SCHIP1: variants seen among roughly 807,000 people sequenced by gnomAD.
SCHIP1 encodes schwannomin-interacting protein 1.
SCHIP1 carries 8 observed loss-of-function variants against 29.7 expected under a neutral mutation model. The observed-to-expected ratio is 0.27, with a 90% CI of 0.16 to 0.49. The LOEUF is 0.49. SCHIP1 is among the 20% of genes least tolerant of loss of function. The pLI is 0.99. For synonymous variants in SCHIP1, 76 were observed against 94.9 expected, an observed-to-expected ratio of 0.80 and a Z score of 1.16; for missense variants, 193 against 294.6, an observed-to-expected ratio of 0.66 and a Z score of 2.52.
the SCHIP1 span, among the ~76,000 whole-genome samples, chr3:159,613,207 C>A: frequency 6.6e-6 from 1 of 152,126 alleles, no homozygotes; most frequent in Non-Finnish European, 1.5e-5. Context: ...TGAAATTCTG[C>A]AAGATAGAAT....
At chr3:159,402,822 C>T in the SCHIP1 span, among the ~76,000 whole-genome samples, 1 of 151,922 alleles carries the variant, frequency 6.6e-6, no homozygotes, top group Admixed American at 6.6e-5. Context: ...AGGAGATATA[C>T]CTAATGCTAA....
chr3:159,764,510 G>C, the SCHIP1 span: 5 of 1,587,030 alleles, frequency 3.2e-6, no homozygotes, highest in South Asian at 3.4e-5. The surrounding 1 kb of genome is among the most constrained non-coding windows in gnomAD (Gnocchi z 6.1). Flanking sequence ...AGCCGCGCCA[G>C]TTCACAGTCC....
the SCHIP1 span, among the ~76,000 whole-genome samples, chr3:159,721,287 T>A: frequency 1.3e-5 from 2 of 152,188 alleles, no homozygotes; most frequent in African/African-American, 4.8e-5. Flanking sequence ...CAAACAGGAT[T>A]TAGGGCCCAC....
the SCHIP1 span, among the ~76,000 whole-genome samples, chr3:159,319,260 G>C: frequency 6.6e-6 from 1 of 152,036 alleles, no homozygotes; most frequent in African/African-American, 2.4e-5. Flanking sequence ...TGTGAGCTTT[G>C]GTGATATGAG....
At chr3:159,564,331 C>T in the SCHIP1 span, among the ~76,000 whole-genome samples, 1 of 152,034 alleles carries the variant, frequency 6.6e-6, no homozygotes, top group Non-Finnish European at 1.5e-5. Flanking sequence ...TCCCCATGCT[C>T]CATTTTGGGT....
the SCHIP1 span, chr3:159,764,872 A>C: frequency 6.3e-7 from 1 of 1,582,602 alleles, no homozygotes; most frequent in Non-Finnish European, 8.6e-7. This position sits in a 1 kb window ranked among gnomAD's most constrained non-coding sequence, Gnocchi z 6.1. Flanking sequence ...GCACAATGGC[A>C]ACGTGGTGGT....
chr3:159,486,369 G>T, the SCHIP1 span, among the ~76,000 whole-genome samples: 1 of 152,098 alleles, frequency 6.6e-6, no homozygotes, highest in African/African-American at 2.4e-5. Flanking sequence ...AAGGTTTTTA[G>T]ATTCCAATTG....
At chr3:159,389,537 C>G in the SCHIP1 span, among the ~76,000 whole-genome samples, 1 of 151,944 alleles carries the variant, frequency 6.6e-6, no homozygotes, top group African/African-American at 2.4e-5. Context: ...ATAGAAAATT[C>G]TCCTGCATAA....
chr3:159,417,249 C>T, the SCHIP1 span, among the ~76,000 whole-genome samples: 188 of 152,266 alleles, frequency 1.2e-3, 2 homozygotes, highest in South Asian at 0.03. Context: ...AAGTCATTAG[C>T]ACAAGGATCT....
At chr3:159,477,587 C>CT in the SCHIP1 span, among the ~76,000 whole-genome samples, 2 of 152,104 alleles carry the variant, frequency 1.3e-5, no homozygotes, top group African/African-American at 4.8e-5. Flanking sequence ...ATGTTTTCTT[C>CT]TGAGAATTGT....
the SCHIP1 span, among the ~76,000 whole-genome samples, chr3:159,563,176 T>C: frequency 2.0e-5 from 3 of 152,170 alleles, no homozygotes; most frequent in Non-Finnish European, 2.9e-5. Flanking sequence ...TTGGGAAGCA[T>C]ACAAAGCTTG....
At chr3:159,762,339 G>A in the SCHIP1 span, among the ~76,000 whole-genome samples, 1 of 152,174 alleles carries the variant, frequency 6.6e-6, no homozygotes, top group Admixed American at 6.5e-5. Flanking sequence ...CCCTGGCTCA[G>A]GTCTACCTAG....
chr3:159,440,887 A>G, the SCHIP1 span, among the ~76,000 whole-genome samples: 42,965 of 152,074 alleles, frequency 0.28, 8,202 homozygotes, highest in African/African-American at 0.54. Context: ...ACTCTGATGG[A>G]GAAAATAATA....
At chr3:159,863,341 CAA>C (rs113908634) in intron 1 of SCHIP1, among the ~76,000 whole-genome samples, 1 of 141,778 alleles carries the variant, frequency 7.1e-6, no homozygotes. Context: ...TCCATCTCAC[CAA>C]AAAAAAAAAG....
chr3:159,712,576 G>A, the SCHIP1 span, among the ~76,000 whole-genome samples: 10 of 151,678 alleles, frequency 6.6e-5, no homozygotes, highest in Non-Finnish European at 1.5e-4. Context: ...TAATTAGCAG[G>A]TCATGGTGGC....
the SCHIP1 span, among the ~76,000 whole-genome samples, chr3:159,495,419 C>G: frequency 1.7e-4 from 26 of 152,302 alleles, no homozygotes; most frequent in African/African-American, 6.0e-4. Context: ...TCTCAGGATA[C>G]AAAATCAATG....
chr3:159,666,876 G>A, the SCHIP1 span, among the ~76,000 whole-genome samples: 3 of 152,208 alleles, frequency 2.0e-5, no homozygotes, highest in East Asian at 5.8e-4. Context: ...CCTGCCCGAT[G>A]TCTACATCGG....
chr3:159,335,548 G>A, the SCHIP1 span, among the ~76,000 whole-genome samples: 31 of 152,196 alleles, frequency 2.0e-4, no homozygotes, highest in African/African-American at 7.2e-4. Flanking sequence ...CTGTGTCCAT[G>A]TGTTCTCATT....
chr3:159,894,664 A>T (rs903807901), intron 6 of SCHIP1: 5 of 151,904 alleles, frequency 3.3e-5, no homozygotes, highest in African/African-American at 1.2e-4. Flanking sequence ...AGAGCCTAGC[A>T]CAGGGCCTGC....
Sources: gnomAD v4.1 joint callset for allele counts (sites outside exome capture counted in the v4.1 genomes callset) on GRCh38, gnomAD v4.1.1 for gene constraint, Gnocchi (gnomAD v3.1) non-coding constraint, MANE v1.5 for transcripts, NCBI Gene and HGNC (gene_info 2026-07-23, HGNC 2026-07-21) for gene names.